The following UBR2 variants were observed in gnomAD, a reference collection of about 807,000 sequenced individuals.
UBR2 encodes the protein ubiquitin protein ligase E3 component n-recognin 2, also known as E3 ubiquitin-protein ligase UBR2.
Under a neutral mutation model 247.9 loss-of-function variants are expected in UBR2, and 92 were observed. The observed-to-expected ratio is 0.37, with a 90% CI of 0.31 to 0.44. The LOEUF (loss-of-function observed/expected upper bound fraction) is 0.44, where lower values mean the gene tolerates loss of function less well. Among genes scored for constraint, UBR2 ranks in the 20% least tolerant of loss-of-function variants. UBR2 has a pLI of 1.00. For missense variants in UBR2, 1,613 were observed against 2,112.6 expected (o/e 0.76, Z 4.64); for synonymous variants, 672 against 693.5 (o/e 0.97, Z 0.49).
intron 39 of UBR2, among the ~76,000 whole-genome samples, chr6:42,676,437 C>A (rs1326871610): frequency 6.6e-6 from 1 of 152,196 alleles, no homozygotes; most frequent in South Asian, 2.1e-4. Context: ...GTAATTAAAT[C>A]TTTTAGAATC....
chr6:42,581,619 G>A (rs554858711), intron 2 of UBR2, among the ~76,000 whole-genome samples: 1 of 152,112 alleles, frequency 6.6e-6, no homozygotes, highest in Admixed American at 6.6e-5. Flanking sequence ...GAGCTACTGC[G>A]CCCACCCTGG....
intron 11 of UBR2, among the ~76,000 whole-genome samples, chr6:42,629,217 A>G (rs939947314): frequency 6.6e-6 from 1 of 152,020 alleles, no homozygotes; most frequent in Admixed American, 6.5e-5. Flanking sequence ...GGGTTTCGCC[A>G]TGTTGGCCAG....
intron 18 of UBR2, among the ~76,000 whole-genome samples, chr6:42,643,208 T>C (rs1018742115): frequency 6.6e-6 from 1 of 152,186 alleles, no homozygotes; most frequent in Non-Finnish European, 1.5e-5. Context: ...ATGGCAGTTA[T>C]ATCTTGTTTC....
intron 42 of UBR2, among the ~76,000 whole-genome samples, chr6:42,680,863 G>A (rs1037397355): frequency 1.4e-4 from 21 of 152,188 alleles, no homozygotes; most frequent in African/African-American, 5.1e-4. Flanking sequence ...GAGCCCAGAA[G>A]TTCAAGACCA....
At chr6:42,624,525 T>C (rs1354254559) in intron 11 of UBR2, among the ~76,000 whole-genome samples, 1 of 152,130 alleles carries the variant, frequency 6.6e-6, no homozygotes, top group African/African-American at 2.4e-5. Flanking sequence ...GACCACGGCA[T>C]TGCAGTACAG....
In UBR2 at chr6:42,612,260, G is replaced by A. The variant is rs1391350750; in HGVS notation, c.954G>A (p.Leu318=). Residue 318 remains leucine, a synonymous_variant, in exon 8 of 47, where the codon TTG becomes TTA. Coordinates refer to ENST00000372901, the MANE Select transcript of UBR2 (RefSeq NM_001363705.2). ...VAHQNFGLKL[L]SWLGSIIGYS... is the part of the protein sequence containing the mutation. Reference sequence around the variant, plus strand: ...ATCAGAATTTTGGTTTGAAACTTTTGTCTTGGCTGGGAAGTATTATTGGAT... The same window carrying A: ...ATCAGAATTTTGGTTTGAAACTTTTATCTTGGCTGGGAAGTATTATTGGAT... 6.5e-7 allele frequency: 1 copy of A among 1,535,940 alleles called. No individual in the cohort carries two copies. Among genetic ancestry groups the A allele is most frequent in the South Asian group, 1.3e-5 (1 of 79,862 alleles).
chr6:42,685,772 G>T (rs141480804), intron 44 of UBR2, among the ~76,000 whole-genome samples: 42 of 152,016 alleles, frequency 2.8e-4, no homozygotes, highest in South Asian at 1.7e-3. Context: ...TATAATAGGG[G>T]AGGCTGAGGT....
At chr6:42,574,840 C>G (rs149756792) in intron 2 of UBR2, among the ~76,000 whole-genome samples, 3 of 151,992 alleles carry the variant, frequency 2.0e-5, no homozygotes, top group Non-Finnish European at 2.9e-5. Context: ...GGATTACAGG[C>G]TTAGCCCATG....
At position 42,594,578 on chromosome 6, in the gene UBR2, G is replaced by C. The variant is rs533762506; in HGVS notation, c.531+274G>C. On this transcript the variant is annotated intron_variant, in intron 4 of 46. Transcript: ENST00000372901. Reference sequence around the variant, plus strand: ...TTTATTTGAGTACTAACCTATGGTTGAGAGGATTATTTTTCCCATATGTGT... The same window carrying C: ...TTTATTTGAGTACTAACCTATGGTTCAGAGGATTATTTTTCCCATATGTGT... Among the ~76,000 whole-genome samples, 3 of 152,284 alleles carry C rather than the reference G, an allele frequency of 2.0e-5. No individual in the cohort carries two copies. In the South Asian group the frequency reaches 6.2e-4, roughly 32 times the overall value.
chr6:42,686,969 G>A (rs1388896492), intron 44 of UBR2, among the ~76,000 whole-genome samples: 2 of 150,280 alleles, frequency 1.3e-5, no homozygotes, highest in Non-Finnish European at 3.0e-5. Context: ...GACGATGGGC[G>A]GCCGGGCAGA....
At chr6:42,642,857 C>A (rs1314467797) in intron 18 of UBR2, among the ~76,000 whole-genome samples, 1 of 152,126 alleles carries the variant, frequency 6.6e-6, no homozygotes, top group African/African-American at 2.4e-5. Flanking sequence ...TTAGTTTAAA[C>A]CCCTTAAACT....
At chr6:42,649,713 T>C (rs370051591) in intron 22 of UBR2, among the ~76,000 whole-genome samples, 2 of 152,218 alleles carry the variant, frequency 1.3e-5, no homozygotes, top group African/African-American at 4.8e-5. Context: ...TTTTTCTTTA[T>C]GGTTGTTTGT....
intron 21 of UBR2, among the ~76,000 whole-genome samples, chr6:42,647,610 T>G (rs1314773373): frequency 6.6e-6 from 1 of 151,790 alleles, no homozygotes; most frequent in Non-Finnish European, 1.5e-5. Flanking sequence ...AAATAAAAAA[T>G]AAAGTGATTG....
Position 42,564,155 on chromosome 6 carries a change from T to C in UBR2, c.-165T>C. 1 of 735,050 alleles carries C rather than the reference T, an allele frequency of 1.4e-6. No homozygotes were observed. Among genetic ancestry groups the C allele is most frequent in the Admixed American group, 3.2e-5 (1 of 30,808 alleles). The allele number at this position is 735,050 out of a possible 1,614,324, so 45.5% of individuals were successfully genotyped here. On this transcript the variant is annotated 5_prime_UTR_variant, in exon 1 of 47. Transcript: ENST00000372901. Reference sequence around the variant, plus strand: ...GCGCAGGAGGCCGCTGTCCTTCCTTTCCGGTTCACGTCACCCTTCTCTCCC... The same window carrying C: ...GCGCAGGAGGCCGCTGTCCTTCCTTCCCGGTTCACGTCACCCTTCTCTCCC...
rs780804478 is a variant in UBR2, at chr6:42,650,426, A to C, written c.2565+40A>C. 4.5e-6 allele frequency: 7 copies of C among 1,539,704 alleles called. No homozygotes were observed. The South Asian group carries it at 7.9e-5, about 17-fold the overall frequency. On this transcript the variant is annotated intron_variant, in intron 23 of 46. Coordinates refer to ENST00000372901, the MANE Select transcript of UBR2 (RefSeq NM_001363705.2). ...TAAAAATGTAGCAGGGAAGGATTGC[A>C]TTGTTTTTCTTAAGAGATGAGGTTT...
chr6:42,614,380 A>ATATG (rs1318025125), intron 8 of UBR2, among the ~76,000 whole-genome samples: 1 of 131,578 alleles, frequency 7.6e-6, no homozygotes, highest in South Asian at 2.4e-4. Flanking sequence ...ATGTGTGTAT[A>ATATG]TATGTATGTA....
chr6:42,614,201 A>C (rs1279235812), intron 8 of UBR2, among the ~76,000 whole-genome samples: 10 of 60,788 alleles, frequency 1.6e-4, no homozygotes, highest in African/African-American at 7.1e-4. Flanking sequence ...AAAAAAAAAA[A>C]AAAACTATAT....
rs145765824 is a variant in UBR2 at position 42,637,025 on chromosome 6, C to G, written c.1689C>G (p.Ile563Met). The G allele has an allele frequency of 1.2e-6, 2 of 1,604,044 alleles. No individual in the cohort carries two copies. Among genetic ancestry groups the G allele is most frequent in the Non-Finnish European group, 1.7e-6 (2 of 1,175,642 alleles). Residue 563 changes from isoleucine (I) to methionine (M), a missense_variant, in exon 15 of 47, where the codon ATC becomes ATG. Transcript: ENST00000372901. Reference sequence around the variant, plus strand: ...CTCTTTTTTAGGAAAAAGTGTTAATCGAAGCTTACAAGAAATGTCTCGCTG... The same window carrying G: ...CTCTTTTTTAGGAAAAAGTGTTAATGGAAGCTTACAAGAAATGTCTCGCTG... ...DWCASDEKVL[I>M]EAYKKCLAVL...
chr6:42,681,140 G>T (rs569696722), intron 42 of UBR2, among the ~76,000 whole-genome samples: 1 of 149,280 alleles, frequency 6.7e-6, no homozygotes, highest in African/African-American at 2.5e-5. Context: ...TCCAGCCTGG[G>T]GGACAAAGCG....
Sources: gnomAD v4.1 joint callset for allele counts (sites outside exome capture counted in the v4.1 genomes callset) on GRCh38, gnomAD v4.1.1 for gene constraint, MANE v1.5 for transcripts, NCBI Gene and HGNC (gene_info 2026-07-23, HGNC 2026-07-21) for gene names.